The following KCNIP1 variants were observed in gnomAD, a reference collection of about 807,000 sequenced individuals.
The protein encoded by KCNIP1 is potassium voltage-gated channel interacting protein 1.
Under a neutral mutation model 33.0 loss-of-function variants are expected in KCNIP1, and 18 were observed. The observed-to-expected ratio is 0.55, with a 90% CI of 0.38 to 0.81. KCNIP1 has a LOEUF of 0.81. Among genes scored for constraint, KCNIP1 ranks in the 30% least tolerant of loss-of-function variants. KCNIP1 has a pLI of 0.00. For synonymous variants in KCNIP1, 93 were observed against 98.3 expected, an observed-to-expected ratio of 0.95 and a Z score of 0.32; for missense variants, 238 against 271.6, an observed-to-expected ratio of 0.88 and a Z score of 0.87.
At chr5:170,373,959 G>A (rs1561589740) in intron 1 of KCNIP1, among the ~76,000 whole-genome samples, 1 of 152,224 alleles carries the variant, frequency 6.6e-6, no homozygotes, top group East Asian at 1.9e-4. Flanking sequence ...AATGGCTGGT[G>A]AGGTACAGGA....
chr5:170,373,817 A>G (rs1442039427), intron 1 of KCNIP1, among the ~76,000 whole-genome samples: 1 of 152,238 alleles, frequency 6.6e-6, no homozygotes, highest in East Asian at 1.9e-4. Context: ...ATAATGTCTT[A>G]GTATTATTAT....
chr5:170,631,468 C>T (rs1030500709), intron 1 of KCNIP1, among the ~76,000 whole-genome samples: 1 of 152,082 alleles, frequency 6.6e-6, no homozygotes, highest in Admixed American at 6.6e-5. Context: ...ATTTCAAACG[C>T]TTTTTGAAAG....
chr5:170,527,504 G>A (rs1401286188), intron 1 of KCNIP1, among the ~76,000 whole-genome samples: 1 of 151,900 alleles, frequency 6.6e-6, no homozygotes, highest in East Asian at 1.9e-4. Context: ...CAGGGCCTGC[G>A]AACGGCAATC....
chr5:170,535,545 C>A lies in KCNIP1; in HGVS notation c.61+30912C>A, dbSNP rs144838782. On this transcript the variant is annotated intron_variant, in intron 1 of 7. Transcript: ENST00000328939. ...ACAAAAGATGAGAGGGGACCACCCTCAGAGGCTCCCTCCTGCTTGGCCCCA... is the reference window on the plus strand; with the variant it reads ...ACAAAAGATGAGAGGGGACCACCCTAAGAGGCTCCCTCCTGCTTGGCCCCA... Among the ~76,000 whole-genome samples the A allele has an allele frequency of 6.4e-4, 97 of 152,242 alleles. 1 individual carries two copies. The highest frequency in any genetic ancestry group is 2.2e-3 in the African/African-American group (91 of 41,522).
rs570577546 is a variant in KCNIP1, at chr5:170,698,133, G to T, written c.62-20625G>T. Reference sequence around the variant, plus strand: ...CCCTCTCCAGGACCTAGAAGAGGGGGCCAGAAAACCGCCATGTGGTAAGCA... The same window carrying T: ...CCCTCTCCAGGACCTAGAAGAGGGGTCCAGAAAACCGCCATGTGGTAAGCA... On this transcript the variant is annotated intron_variant, in intron 1 of 7. Coordinates refer to ENST00000328939, the MANE Select transcript of KCNIP1 (RefSeq NM_014592.4). 2.0e-5 allele frequency among the ~76,000 whole-genome samples: 3 copies of T among 152,268 alleles called. No individual in the cohort carries two copies. In the South Asian group the frequency reaches 6.2e-4, roughly 32 times the overall value.
chr5:170,612,731 T>C (rs1451916679), intron 1 of KCNIP1, among the ~76,000 whole-genome samples: 2 of 152,218 alleles, frequency 1.3e-5, no homozygotes, highest in Non-Finnish European at 2.9e-5. Context: ...GCTGGGCTTT[T>C]AGCAAATGTG....
intron 1 of KCNIP1, among the ~76,000 whole-genome samples, chr5:170,670,921 A>T (rs1047658841): frequency 2.0e-5 from 3 of 151,942 alleles, no homozygotes; most frequent in South Asian, 2.1e-4. Context: ...AAATAAAAAA[A>T]AAAGAAGAGG....
chr5:170,712,250 C>T (rs1763474963), intron 1 of KCNIP1, among the ~76,000 whole-genome samples: 1 of 152,188 alleles, frequency 6.6e-6, no homozygotes, highest in African/African-American at 2.4e-5. Flanking sequence ...CTGCAACTAC[C>T]CTTTTCTTTT....
intron 1 of KCNIP1, among the ~76,000 whole-genome samples, chr5:170,460,953 C>A (rs186010019): frequency 6.6e-6 from 1 of 152,150 alleles, no homozygotes; most frequent in African/African-American, 2.4e-5. Flanking sequence ...AAGAATTCAG[C>A]AAAGTTTTGA....
chr5:170,587,434 A>AAAAAAAAAAAAAAAAAAAAC (rs1758041905), intron 1 of KCNIP1, among the ~76,000 whole-genome samples: 1 of 151,578 alleles, frequency 6.6e-6, no homozygotes, highest in Non-Finnish European at 1.5e-5. Context: ...AAAAAAAAAA[A>AAAAAAAAAAAAAAAAAAAAC]AAAAAAAAAA....
chr5:170,564,534 C>G (rs1324455695), intron 1 of KCNIP1, among the ~76,000 whole-genome samples: 2 of 152,194 alleles, frequency 1.3e-5, no homozygotes, highest in African/African-American at 4.8e-5. Flanking sequence ...AGATTCCTAG[C>G]TTTTCCCCAC....
At chr5:170,522,918 C>T (rs540951665) in intron 1 of KCNIP1, among the ~76,000 whole-genome samples, 3 of 152,340 alleles carry the variant, frequency 2.0e-5, no homozygotes, top group Admixed American at 1.3e-4. Context: ...GGAATCTTGG[C>T]GCTTTGATGA....
intron 1 of KCNIP1, among the ~76,000 whole-genome samples, chr5:170,546,998 C>T (rs746340618): frequency 3.3e-5 from 5 of 152,140 alleles, no homozygotes; most frequent in Non-Finnish European, 2.9e-5. Flanking sequence ...TGTTTGCTCT[C>T]ATTCTTGAAA....
rs934204845 is a variant in KCNIP1 at position 170,380,091 on chromosome 5, A to G, written c.88+26127A>G. On this transcript the variant is annotated intron_variant, in intron 1 of 7. Transcript: ENST00000377360. ...CAAAGGAAAGAAAGAATGCATTGAAAAGAGTTTTGTGCCAGCAGAGCATGA... is the reference window on the plus strand; with the variant it reads ...CAAAGGAAAGAAAGAATGCATTGAAGAGAGTTTTGTGCCAGCAGAGCATGA... 3.9e-5 allele frequency among the ~76,000 whole-genome samples: 6 copies of G among 152,250 alleles called. No individual in the cohort carries two copies. In the South Asian group the frequency reaches 6.2e-4, roughly 16 times the overall value.
upstream of KCNIP1, among the ~76,000 whole-genome samples, chr5:170,503,109 G>A (rs1757449446): frequency 6.6e-6 from 1 of 152,152 alleles, no homozygotes; most frequent in South Asian, 2.1e-4. Context: ...GAGAGAGCAG[G>A]CCGGGTGGGG....
chr5:170,562,543 C>T (rs956928615), intron 1 of KCNIP1, among the ~76,000 whole-genome samples: 2 of 152,186 alleles, frequency 1.3e-5, no homozygotes, highest in African/African-American at 2.4e-5. Flanking sequence ...CTCCCTTGTC[C>T]AGTTCCCAAA....
intron 1 of KCNIP1, among the ~76,000 whole-genome samples, chr5:170,423,262 C>A (rs1340627830): frequency 6.8e-6 from 1 of 147,548 alleles, no homozygotes; most frequent in Non-Finnish European, 1.5e-5. Context: ...GACTCTAATA[C>A]CCAGTGAATT....
intron 1 of KCNIP1, among the ~76,000 whole-genome samples, chr5:170,438,731 C>A (rs768744882): frequency 6.6e-6 from 1 of 152,134 alleles, no homozygotes; most frequent in Non-Finnish European, 1.5e-5. Flanking sequence ...GCACAGCCTG[C>A]TCCCTTGGTC....
intron 1 of KCNIP1, chr5:170,681,031 C>T: frequency 2.5e-6 from 1 of 399,398 alleles, no homozygotes; most frequent in Admixed American, 4.4e-5. Flanking sequence ...CTTTGAATGA[C>T]CGCCTAGCGC....
Sources: gnomAD v4.1 joint callset for allele counts (sites outside exome capture counted in the v4.1 genomes callset) on GRCh38, gnomAD v4.1.1 for gene constraint, MANE v1.5 for transcripts, NCBI Gene and HGNC (gene_info 2026-07-23, HGNC 2026-07-21) for gene names.